Variants in ADGRV1 observed in about 807,000 individuals in gnomAD.
ADGRV1 encodes the protein G-protein coupled receptor 98.
In ADGRV1, 359 loss-of-function variants were observed where a neutral mutation model predicts 596.2. The ratio of observed to expected loss-of-function variants is 0.60; its 90% confidence interval spans 0.55 to 0.66. The LOEUF (loss-of-function observed/expected upper bound fraction) is 0.66, where lower values mean the gene tolerates loss of function less well. ADGRV1 is among the 30% of genes least tolerant of loss of function. ADGRV1 has a pLI of 0.00. For missense variants in ADGRV1, 7,274 were observed against 7,575.6 expected, an observed-to-expected ratio of 0.96 and a Z score of 1.48; for synonymous variants, 2,681 against 2,679.2, an observed-to-expected ratio of 1.00 and a Z score of -0.02.
In ADGRV1 at chr5:90,887,237, C is replaced by T. The variant is rs1376168908; in HGVS notation, c.17856+23380C>T. Among the ~76,000 whole-genome samples, 3 of 152,228 alleles carry T rather than the reference C, an allele frequency of 2.0e-5. No individual in the cohort carries two copies. In the South Asian group the frequency reaches 6.2e-4, roughly 32 times the overall value. On this transcript the variant is annotated intron_variant, in intron 83 of 89. Coordinates refer to ENST00000405460, the MANE Select transcript of ADGRV1 (RefSeq NM_032119.4). ...CGTGCCTTGGAACCTTTGTGGGTGC[C>T]GTGGTCTCTGCCTGGCATGCTCTTT...
intron 84 of ADGRV1, among the ~76,000 whole-genome samples, chr5:90,981,933 A>G (rs1480873271): frequency 6.6e-6 from 1 of 150,478 alleles, no homozygotes; most frequent in Non-Finnish European, 1.5e-5. Context: ...CATCATGACA[A>G]CCAGTGGCAC....
chr5:91,069,388 T>A (rs1788175023), intron 85 of ADGRV1, among the ~76,000 whole-genome samples: 1 of 152,092 alleles, frequency 6.6e-6, no homozygotes, highest in South Asian at 2.1e-4. Flanking sequence ...CCAGAATGTA[T>A]GAGGAACGTA....
chr5:90,758,845 A>C (rs1003200364), intron 57 of ADGRV1, among the ~76,000 whole-genome samples: 5 of 152,212 alleles, frequency 3.3e-5, no homozygotes, highest in African/African-American at 1.2e-4. Flanking sequence ...CCTGATTATA[A>C]ACATCCAGGA....
At chr5:90,579,690 A>G (rs1358204029) in intron 1 of ADGRV1, among the ~76,000 whole-genome samples, 1 of 152,070 alleles carries the variant, frequency 6.6e-6, no homozygotes, top group Admixed American at 6.5e-5. Context: ...TGATCTGTCT[A>G]ATGTTGACAG....
intron 34 of ADGRV1, among the ~76,000 whole-genome samples, chr5:90,702,362 AT>A (rs569146822): frequency 1.3e-5 from 2 of 151,804 alleles, no homozygotes; most frequent in South Asian, 2.1e-4. Flanking sequence ...AAGGTAACTA[AT>A]TTTTTTTGTA....
intron 27 of ADGRV1, among the ~76,000 whole-genome samples, chr5:90,683,156 T>G (rs1745163472): frequency 6.6e-6 from 1 of 152,210 alleles, no homozygotes; most frequent in Non-Finnish European, 1.5e-5. Flanking sequence ...AAGCTACGTT[T>G]TTTTCATCAA....
intron 83 of ADGRV1, among the ~76,000 whole-genome samples, chr5:90,881,440 G>A (rs1431266580): frequency 1.3e-5 from 2 of 152,252 alleles, no homozygotes; most frequent in African/African-American, 4.8e-5. Flanking sequence ...CTCATTAAAT[G>A]TGCTACCATT....
chr5:90,631,875 A>G (rs1244836250), intron 9 of ADGRV1, among the ~76,000 whole-genome samples: 1 of 152,226 alleles, frequency 6.6e-6, no homozygotes, highest in Admixed American at 6.5e-5. Flanking sequence ...ACAAACAAAA[A>G]AATCTCTGAC....
intron 52 of ADGRV1, among the ~76,000 whole-genome samples, chr5:90,747,949 A>G (rs1246523079): frequency 6.6e-6 from 1 of 152,176 alleles, no homozygotes; most frequent in Non-Finnish European, 1.5e-5. Context: ...GAAGGGGAGG[A>G]GTAGAAAAGT....
intron 85 of ADGRV1, among the ~76,000 whole-genome samples, chr5:91,004,691 A>G (rs957847225): frequency 2.6e-5 from 4 of 152,228 alleles, no homozygotes; most frequent in African/African-American, 7.2e-5. Context: ...GTACCTAAGT[A>G]TTGATTTAAT....
rs2443061 is a variant in ADGRV1, at chr5:90,763,619, T to A, written c.12285+150T>A. 0.41 allele frequency: 273,038 copies of A among 662,268 alleles called. 60,342 individuals are homozygous for A. Among genetic ancestry groups the A allele is most frequent in the Admixed American group, 0.56 (19,095 of 33,904 alleles). The allele number at this position is 662,268 out of a possible 1,614,324, so 41.0% of individuals were successfully genotyped here. On this transcript the variant is annotated intron_variant, in intron 59 of 89. Coordinates refer to ENST00000405460, the MANE Select transcript of ADGRV1 (RefSeq NM_032119.4). The stretch of plus-strand genomic sequence containing the variant: ...GGGGTTTGGGCTTCTAGTGAGCCCA[T>A]AACCCAAATAGTGAATATAGTACCC...
intron 83 of ADGRV1, among the ~76,000 whole-genome samples, chr5:90,888,157 A>G (rs1770474539): frequency 6.6e-6 from 1 of 152,194 alleles, no homozygotes; most frequent in African/African-American, 2.4e-5. Context: ...TACAATGTGT[A>G]TGAGATCTGT....
intron 87 of ADGRV1, among the ~76,000 whole-genome samples, chr5:91,135,074 G>C (rs995925265): frequency 7.2e-5 from 11 of 151,790 alleles, no homozygotes; most frequent in Non-Finnish European, 1.6e-4. Flanking sequence ...CCAGCTACTT[G>C]GGAGGCTGAG....
In ADGRV1 at chr5:90,923,630, C is replaced by CT. The variant is rs904919010; in HGVS notation, c.17857-41776dup. 2.6e-5 allele frequency among the ~76,000 whole-genome samples: 4 copies of CT among 151,144 alleles called. No homozygotes were observed. In the East Asian group the frequency reaches 5.8e-4, roughly 22 times the overall value. Reference sequence around the variant, plus strand: ...CCAATCTTGCCTTAGGTTATTTGTTCTTTTTTTTTATTATTATACTTTAAG... The same window carrying CT: ...CCAATCTTGCCTTAGGTTATTTGTTCTTTTTTTTTTATTATTATACTTTAAG... On this transcript the variant is annotated intron_variant, in intron 83 of 89. Coordinates refer to ENST00000405460, the MANE Select transcript of ADGRV1 (RefSeq NM_032119.4).
intron 83 of ADGRV1, among the ~76,000 whole-genome samples, chr5:90,922,790 C>A (rs1774001931): frequency 6.6e-6 from 1 of 152,182 alleles, no homozygotes. Flanking sequence ...GTAACTAGTT[C>A]CCATACGATC....
At chr5:91,161,285 G>A (rs1331135872) in intron 89 of ADGRV1, among the ~76,000 whole-genome samples, 2 of 152,150 alleles carry the variant, frequency 1.3e-5, no homozygotes. Flanking sequence ...AGAAGCATGG[G>A]CCATTTGTCC....
chr5:91,054,874 A>C lies in ADGRV1; in HGVS notation c.18153-17573A>C, dbSNP rs540307371. Among the ~76,000 whole-genome samples, 4 of 152,260 alleles carry C rather than the reference A, an allele frequency of 2.6e-5. No individual in the cohort carries two copies. The East Asian group carries it at 7.7e-4, about 29-fold the overall frequency. On this transcript the variant is annotated intron_variant, in intron 85 of 89. Transcript: ENST00000405460. ...AAAGTCACAATAGAGGAGGCCACTG[A>C]GATTGAGTGTGCTTCCCCACCTATC... is the stretch of plus-strand genomic sequence containing the variant.
chr5:90,658,411 G>A, intron 21 of ADGRV1, 133 bp downstream of exon 21: 1 of 687,804 alleles, frequency 1.5e-6, no homozygotes, highest in South Asian at 5.2e-5. Context: ...TAGGGCCAGT[G>A]ATTGCAAATA....
Position 90,635,184 on chromosome 5 carries a change from G to A in ADGRV1, c.1910G>A (p.Cys637Tyr). The A allele has an allele frequency of 6.2e-7, 1 of 1,611,218 alleles. No homozygotes were observed. The highest frequency in any genetic ancestry group is 8.5e-7 in the Non-Finnish European group (1 of 1,177,550). The change falls in exon 10 of 90, where the codon TGC (cysteine) becomes TAC (tyrosine). Residue 637 changes from cysteine (C) to tyrosine (Y), a missense_variant. Physicochemically the swap from Cys to Tyr is radical, Grantham distance 194. Around this residue, in one of 5 missense-constraint regions of ADGRV1, gnomAD observed 1,715 missense variants for 1,708.8 expected, o/e 1.00. Coordinates refer to ENST00000405460, the MANE Select transcript of ADGRV1 (RefSeq NM_032119.4). ...ATAAGCCCTAGATTTGGGGAAATCT[G>A]CAATATTTCTTTACTGGTTACTCCA... is the stretch of plus-strand genomic sequence containing the variant. ...PPISPRFGEI[C>Y]NISLLVTPAI...
Sources: allele counts gnomAD v4.1 joint callset (sites outside exome capture counted in the v4.1 genomes callset), GRCh38; gene constraint gnomAD v4.1.1; regional missense constraint gnomAD v4.1.1; transcripts MANE v1.5; gene names NCBI Gene and HGNC (gene_info 2026-07-23, HGNC 2026-07-21).